Variants in SPOP observed in about 807,000 individuals in gnomAD.
SPOP encodes the protein speckle-type POZ protein.
In SPOP, 11 loss-of-function variants were observed where a neutral mutation model predicts 45.6. The ratio of observed to expected loss-of-function variants is 0.24; its 90% CI spans 0.15 to 0.40. The LOEUF (loss-of-function observed/expected upper bound fraction) is 0.40. Among genes scored for constraint, SPOP ranks in the 10% least tolerant of loss-of-function variants. The probability of loss-of-function intolerance (pLI) is 1.00; values close to 1 mark genes in which losing one functional copy is unlikely to be tolerated. For missense variants in SPOP, 152 were observed against 465.6 expected, an observed-to-expected ratio of 0.33 and a Z score of 6.20; for synonymous variants, 166 against 166.3, an observed-to-expected ratio of 1.00 and a Z score of 0.01.
Position 49,601,992 on chromosome 17 carries a change from A to G in SPOP, c.853T>C (p.Leu285=), listed in dbSNP as rs780421201. Residue 285 remains leucine (L), a synonymous_variant, in exon 9 of 10, where the codon TTA becomes CTA. Coordinates refer to ENST00000504102, the MANE Select transcript of SPOP (RefSeq NM_001007228.2). The part of the protein sequence containing the change: ...AAADKYALER[L]KVMCEDALCS... ...AGGGCATCCTCACACATGACCTTTAAGCGCTCCAGGGCATACTGTAAAACA... is the reference window on the plus strand; with the variant it reads ...AGGGCATCCTCACACATGACCTTTAGGCGCTCCAGGGCATACTGTAAAACA... 1 of 1,614,134 alleles carries G rather than the reference A, an allele frequency of 6.2e-7. No individual in the cohort carries two copies. The highest frequency in any genetic ancestry group is 8.5e-7 in the Non-Finnish European group (1 of 1,179,974).
Position 49,621,992 on chromosome 17 carries a change from T to C in SPOP, c.154A>G (p.Ile52Val), listed in dbSNP as rs2143295251. 1 of 1,614,076 alleles carries C rather than the reference T, an allele frequency of 6.2e-7. No homozygotes were observed. Among genetic ancestry groups the C allele is most frequent in the Non-Finnish European group, 8.5e-7 (1 of 1,179,920 alleles). The change falls in exon 3 of 10, where the codon ATT becomes GTT. Residue 52 changes from isoleucine to valine, a missense_variant. Physicochemically the swap from Ile to Val is conservative, Grantham distance 29. Transcript: ENST00000504102. ...SFCREEMGEV[I>V]KSSTFSSGAN... ...CCTGATGAAAATGTAGAACTTTTAATGACTTCACCCATTTCCTCCCGGCAA... is the reference window on the plus strand; with the variant it reads ...CCTGATGAAAATGTAGAACTTTTAACGACTTCACCCATTTCCTCCCGGCAA...
intron 1 of SPOP, among the ~76,000 whole-genome samples, chr17:49,625,130 G>C (rs866639959): frequency 6.6e-6 from 1 of 152,130 alleles, no homozygotes; most frequent in African/African-American, 2.4e-5. Context: ...GTTCCCAGAT[G>C]ATCCTTTGAG....
intron 6 of SPOP, among the ~76,000 whole-genome samples, chr17:49,610,729 G>A (rs1191121667): frequency 6.6e-6 from 1 of 152,166 alleles, no homozygotes; most frequent in Non-Finnish European, 1.5e-5. Context: ...CCTTCCCTGG[G>A]CGGTGAAGTC....
At chr17:49,617,596 A>G (rs2072114628) in intron 5 of SPOP, among the ~76,000 whole-genome samples, 1 of 152,130 alleles carries the variant, frequency 6.6e-6, no homozygotes, top group South Asian at 2.1e-4. Flanking sequence ...ACTGCCTCCA[A>G]AGTTTTCTAA....
At position 49,600,889 on chromosome 17, in the gene SPOP, C is replaced by T. The variant is rs899441468; in HGVS notation, c.981-367G>A. 8.6e-6 allele frequency: 2 copies of T among 232,264 alleles called. No individual in the cohort carries two copies. The highest frequency in any genetic ancestry group is 1.7e-5 in the Non-Finnish European group (2 of 114,984). 14.4% of individuals were successfully genotyped at this position (232,264 alleles called of 1,614,324 possible). A position where few individuals can be genotyped will look rare whatever the true frequency, so the allele number is the denominator to read the frequency against. On this transcript the variant is annotated intron_variant, in intron 9 of 9. Coordinates refer to ENST00000504102, the MANE Select transcript of SPOP (RefSeq NM_001007228.2). The surrounding 1 kb of genome is among the most constrained non-coding windows in gnomAD (Gnocchi z 4.2). ...GCTTCTGCCTGGCTTTGCCACTCAC[C>T]AGCCTTTAACCACAGGGCAGATCAG...
intron 8 of SPOP, among the ~76,000 whole-genome samples, chr17:49,602,739 T>G (rs911649789): frequency 7.2e-5 from 11 of 152,232 alleles, no homozygotes; most frequent in Admixed American, 1.3e-4. Context: ...AAGGACAAAG[T>G]GGCAGAGAGC....
chr17:49,602,029 G>A lies in SPOP; in HGVS notation c.838-22C>T. 3.1e-6 allele frequency: 5 copies of A among 1,613,140 alleles called. No individual in the cohort carries two copies. In the South Asian group the frequency reaches 3.3e-5, roughly 11 times the overall value. On this transcript the variant is annotated intron_variant, in intron 8 of 9. Transcript: ENST00000504102. ...CATACTGTAAAACACAAGCACTGCTGTCATCAGAGCAGCAATAGTTCTGGG... is the reference window on the plus strand; with the variant it reads ...CATACTGTAAAACACAAGCACTGCTATCATCAGAGCAGCAATAGTTCTGGG...
intron 1 of SPOP, among the ~76,000 whole-genome samples, chr17:49,662,407 C>T (rs1208264653): frequency 2.0e-5 from 3 of 152,116 alleles, no homozygotes; most frequent in East Asian, 3.9e-4. Flanking sequence ...CCAGGCCAGG[C>T]GCGGTGGCTC....
Position 49,619,175 on chromosome 17 carries a change from CAG to C in SPOP, c.352+57_352+58del. 1 of 1,613,544 alleles carries C rather than the reference CAG, an allele frequency of 6.2e-7. No homozygotes were observed. ...AAACCAGATCAAAGCCACAACTTGTCAGTGTATGAAACTTCTGGATGTGAAAC... is the reference window on the plus strand; with the variant it reads ...AAACCAGATCAAAGCCACAACTTGTCTGTATGAAACTTCTGGATGTGAAAC... On this transcript the variant is annotated intron_variant, in intron 4 of 9. Transcript: ENST00000504102. The surrounding 1 kb of genome is among the most constrained non-coding windows in gnomAD (Gnocchi z 4.9).
intron 1 of SPOP, among the ~76,000 whole-genome samples, chr17:49,671,606 T>C (rs904788011): frequency 6.6e-5 from 10 of 151,332 alleles, no homozygotes; most frequent in African/African-American, 2.4e-4. Flanking sequence ...ACAATGAGAG[T>C]GAAAAAAACT....
At chr17:49,670,973 T>C (rs1046715129) in intron 1 of SPOP, among the ~76,000 whole-genome samples, 1 of 151,834 alleles carries the variant, frequency 6.6e-6, no homozygotes, top group Non-Finnish European at 1.5e-5. Context: ...TATATAATAA[T>C]AAAACCGCCA....
chr17:49,620,467 CAAAA>C (rs755698106), intron 3 of SPOP, among the ~76,000 whole-genome samples: 1 of 66,908 alleles, frequency 1.5e-5, no homozygotes. Context: ...GACTCTGTCT[CAAAA>C]AAAAAAAAAA....
chr17:49,672,852 C>T (rs896526848), intron 1 of SPOP, among the ~76,000 whole-genome samples: 2 of 151,988 alleles, frequency 1.3e-5, no homozygotes, highest in Non-Finnish European at 1.5e-5. Flanking sequence ...AAGACTAAGG[C>T]AGGAGAATGG....
At chr17:49,644,347 C>A (rs993991653) in intron 1 of SPOP, among the ~76,000 whole-genome samples, 3 of 152,088 alleles carry the variant, frequency 2.0e-5, no homozygotes, top group Non-Finnish European at 4.4e-5. Context: ...TTTCCTCATC[C>A]CTCTCCCTCC....
rs140990542 is a variant in SPOP, at chr17:49,668,989, G to A, written c.-67+8944C>T. Among the ~76,000 whole-genome samples the A allele has an allele frequency of 6.8e-3, 1,026 of 151,568 alleles. 3 individuals are homozygous for A. Among genetic ancestry groups the A allele is most frequent in the African/African-American group, 0.023 (950 of 41,320 alleles). On this transcript the variant is annotated intron_variant, in intron 1 of 9. Coordinates refer to ENST00000504102, the MANE Select transcript of SPOP (RefSeq NM_001007228.2). ...GACGGGGTTTCACCGCGTTAGCCAG[G>A]GTGGTATCGATCTCCTGACCTCGTG...
chr17:49,624,053 G>A (rs62079289), intron 1 of SPOP, among the ~76,000 whole-genome samples: 13,611 of 152,006 alleles, frequency 0.09, 845 homozygotes, highest in Non-Finnish European at 0.14. Context: ...TGTCTCAGTA[G>A]CAAATCAAAT....
rs115441337 is a variant in SPOP at position 49,644,927 on chromosome 17, T to C, written c.-66-22051A>G. ...TGAAGGATGGAAACAGAACTGAAAG[T>C]ATAAATAAATAAAACTTTAGCTGAC... On this transcript the variant is annotated intron_variant, in intron 1 of 9. Transcript: ENST00000504102. 6.9e-3 allele frequency among the ~76,000 whole-genome samples: 1,049 copies of C among 152,290 alleles called. 12 individuals are homozygous for C. Among genetic ancestry groups the C allele is most frequent in the African/African-American group, 0.024 (1,010 of 41,570 alleles).
intron 8 of SPOP, among the ~76,000 whole-genome samples, chr17:49,605,646 T>C (rs1806304626): frequency 6.6e-6 from 1 of 151,478 alleles, no homozygotes; most frequent in Non-Finnish European, 1.5e-5. Flanking sequence ...GCCGAGATTG[T>C]GCCACTGCAC....
intron 3 of SPOP, 45 bp downstream of exon 3, chr17:49,621,901 G>C (rs771430607): frequency 6.2e-7 from 1 of 1,603,562 alleles, no homozygotes; most frequent in South Asian, 1.1e-5. Context: ...AAACAAAACA[G>C]ACAACTTCAG....
Sources: gnomAD v4.1 joint callset for allele counts (sites outside exome capture counted in the v4.1 genomes callset) on GRCh38, gnomAD v4.1.1 for gene constraint, Gnocchi (gnomAD v3.1) non-coding constraint, MANE v1.5 for transcripts, NCBI Gene and HGNC (gene_info 2026-07-23, HGNC 2026-07-21) for gene names.